The following POMT2 variants were observed in gnomAD, a reference collection of about 807,000 sequenced individuals.
The protein encoded by POMT2 is protein O-mannosyl-transferase 2.
Under a neutral mutation model 100.0 loss-of-function variants are expected in POMT2, and 75 were observed. That is an observed-to-expected ratio of 0.75 (90% CI 0.62 to 0.91). The LOEUF is 0.91. Among genes scored for constraint, POMT2 ranks in the 40% least tolerant of loss-of-function variants. The pLI is 0.00. For missense variants in POMT2, 940 were observed against 955.1 expected (o/e 0.98, Z 0.21); for synonymous variants, 378 against 374.1 (o/e 1.01, Z -0.12).
chr14:77,299,861 C>T lies in POMT2; in HGVS notation c.817-300G>A, dbSNP rs912744587. 30 of 384,384 alleles carry T rather than the reference C, an allele frequency of 7.8e-5. No individual in the cohort carries two copies. In the East Asian group the frequency reaches 1.5e-3, roughly 19 times the overall value. 23.8% of individuals were successfully genotyped at this position (384,384 alleles called of 1,614,324 possible). ...TCTGCAACACAGTTGCTCACCAGTCCGCTCCATGTTCCAGGTACACTAACC... is the reference window on the plus strand; with the variant it reads ...TCTGCAACACAGTTGCTCACCAGTCTGCTCCATGTTCCAGGTACACTAACC... On this transcript the variant is annotated intron_variant, in intron 6 of 20. Coordinates refer to ENST00000261534, the MANE Select transcript of POMT2 (RefSeq NM_013382.7).
Position 77,313,928 on chromosome 14 carries a change from G to A in POMT2, c.249-1895C>T, listed in dbSNP as rs905693495. Among the ~76,000 whole-genome samples, 15 of 152,168 alleles carry A rather than the reference G, an allele frequency of 9.9e-5. No individual in the cohort carries two copies. In the East Asian group the frequency reaches 2.3e-3, roughly 24 times the overall value. On this transcript the variant is annotated intron_variant, in intron 1 of 20. Coordinates refer to ENST00000261534, the MANE Select transcript of POMT2 (RefSeq NM_013382.7). Reference sequence around the variant, plus strand: ...TCACCATGTTGGCCAGGCTGGTCTCGAAACTCCAAACCTCAGGTGATCCAC... The same window carrying A: ...TCACCATGTTGGCCAGGCTGGTCTCAAAACTCCAAACCTCAGGTGATCCAC...
Position 77,286,752 on chromosome 14 carries a change from A to G in POMT2, c.1324T>C (p.Tyr442His), listed in dbSNP as rs758863296. The G allele has an allele frequency of 1.9e-6, 3 of 1,614,166 alleles. No individual in the cohort carries two copies. Among genetic ancestry groups the G allele is most frequent in the Non-Finnish European group, 8.5e-7 (1 of 1,180,020 alleles). The change falls in exon 12 of 21, where the codon TAT (tyrosine) becomes CAT (histidine). Residue 442 changes from tyrosine (Y) to histidine (H), a missense_variant. Transcript: ENST00000261534. ...CCCCGTTGCTTACTTACTATGCCAT[A>G]GCCGGTGACCTGATAGTGCTTCCGG... ...MTRKHYQVTG[Y>H]GINGTGDSND...
chr14:77,285,013 T>G lies in POMT2; in HGVS notation c.1513A>C (p.Thr505Pro). The G allele has an allele frequency of 6.2e-7, 1 of 1,613,360 alleles. No homozygotes were observed. The highest frequency in any genetic ancestry group is 1.1e-5 in the South Asian group (1 of 91,070). Residue 505 changes from threonine to proline, a missense_variant, in exon 14 of 21, where the codon ACC becomes CCC. Transcript: ENST00000261534. ...WGWEQLEVTC[T>P]PYLKETLNSI... Reference sequence around the variant, plus strand: ...TTGAGGGTTTCTTTCAGGTATGGGGTGCAAGTAACTTCCAACTGCTCCCAG... The same window carrying G: ...TTGAGGGTTTCTTTCAGGTATGGGGGGCAAGTAACTTCCAACTGCTCCCAG...
At chr14:77,302,069 GGGCTGAGAGTCACT>G (rs1891064322) in intron 5 of POMT2, among the ~76,000 whole-genome samples, 1 of 152,200 alleles carries the variant, frequency 6.6e-6, no homozygotes, top group Non-Finnish European at 1.5e-5. Flanking sequence ...AAGCCAGAGT[GGGCTGAGAGTCACT>G]GATCAGGTTT....
chr14:77,320,541 C>T lies in POMT2; in HGVS notation c.141G>A (p.Trp47Ter), dbSNP rs989901764. Residue 47 changes from tryptophan to a stop codon, truncating the protein, a stop_gained, in exon 1 of 21, where the codon TGG (tryptophan) becomes TGA (stop). Coordinates refer to ENST00000261534, the MANE Select transcript of POMT2 (RefSeq NM_013382.7). LOFTEE classifies it high-confidence loss of function. ...AVARSPKRPA[W>*]GSRRFEAVGW... is the part of the protein sequence containing the mutation. Reference sequence around the variant, plus strand: ...CGACCGCCTCGAAGCGCCGTGAGCCCCAAGCAGGCCGTTTGGGGCTTCGCG... The same window carrying T: ...CGACCGCCTCGAAGCGCCGTGAGCCTCAAGCAGGCCGTTTGGGGCTTCGCG... 2.6e-6 allele frequency: 4 copies of T among 1,562,942 alleles called. No homozygotes were observed. Among genetic ancestry groups the T allele is most frequent in the Non-Finnish European group, 3.4e-6 (4 of 1,160,102 alleles).
chr14:77,288,780 A>C lies in POMT2; in HGVS notation c.1235T>G (p.Ile412Ser). The change falls in exon 11 of 21, where the codon ATT becomes AGT. Residue 412 changes from isoleucine (I) to serine (S), a missense_variant. Ile to Ser is a moderately radical substitution (Grantham distance 142). Coordinates refer to ENST00000261534, the MANE Select transcript of POMT2 (RefSeq NM_013382.7). ...PVEFVRHGDIIRLEHKETSRN... is the reference protein window; with the variant it reads ...PVEFVRHGDISRLEHKETSRN... Reference sequence around the variant, plus strand: ...GACTTACTCTTTGTGTTCTAGTCGAATAATGTCTCCATGTCTTACAAACTC... The same window carrying C: ...GACTTACTCTTTGTGTTCTAGTCGACTAATGTCTCCATGTCTTACAAACTC... 1 of 1,613,936 alleles carries C rather than the reference A, an allele frequency of 6.2e-7. No homozygotes were observed. The highest frequency in any genetic ancestry group is 1.1e-5 in the South Asian group (1 of 91,078).
At chr14:77,289,525 G>A (rs1432276928) in intron 10 of POMT2, among the ~76,000 whole-genome samples, 1 of 152,192 alleles carries the variant, frequency 6.6e-6, no homozygotes, top group African/African-American at 2.4e-5. Context: ...TTCCAGGCTG[G>A]AATGTGGCCT....
chr14:77,302,995 T>C (rs1363523313), intron 4 of POMT2, 52 bp from the exon 5 acceptor site: 1 of 1,385,954 alleles, frequency 7.2e-7, no homozygotes, highest in South Asian at 1.2e-5. Context: ...AAGGGCCCCC[T>C]GAAAACCAAG....
At position 77,304,688 on chromosome 14, in the gene POMT2, T is replaced by A; in HGVS notation, c.547+4A>T. 6.3e-7 allele frequency: 1 copy of A among 1,578,688 alleles called. No individual in the cohort carries two copies. The highest frequency in any genetic ancestry group is 8.6e-7 in the Non-Finnish European group (1 of 1,162,976). ...AAAGCCATGGTATGGCTAAGACAAC[T>A]TACCAAAGGTGAGGAGGGCAGCTGT... On this transcript the variant is annotated splice_donor_region_variant and intron_variant, in intron 4 of 20. Transcript: ENST00000261534.
At chr14:77,284,179 A>AT in intron 14 of POMT2, 1 of 406,228 alleles carries the variant, frequency 2.5e-6, no homozygotes, top group Non-Finnish European at 4.7e-6. Flanking sequence ...CCTATTAGGC[A>AT]TAAGGGACAG....
intron 1 of POMT2, among the ~76,000 whole-genome samples, chr14:77,319,788 G>A (rs939961438): frequency 6.6e-6 from 1 of 152,186 alleles, no homozygotes; most frequent in Non-Finnish European, 1.5e-5. Flanking sequence ...TCTTCTGCCA[G>A]CAGTCACGAC....
intron 15 of POMT2, among the ~76,000 whole-genome samples, chr14:77,283,369 T>G (rs1247237889): frequency 6.6e-6 from 1 of 152,096 alleles, no homozygotes; most frequent in Non-Finnish European, 1.5e-5. Flanking sequence ...GGTGAAGGAG[T>G]GTAGTGGTAA....
intron 1 of POMT2, among the ~76,000 whole-genome samples, chr14:77,315,818 C>A (rs1161087924): frequency 6.6e-6 from 1 of 152,208 alleles, no homozygotes; most frequent in African/African-American, 2.4e-5. Flanking sequence ...TTGAGACCAG[C>A]CTGGCCAACA....
At chr14:77,294,567 G>A (rs1157040391) in intron 9 of POMT2, among the ~76,000 whole-genome samples, 1 of 152,064 alleles carries the variant, frequency 6.6e-6, no homozygotes, top group African/African-American at 2.4e-5. Flanking sequence ...AAAGTGATCC[G>A]CCCACCTCGG....
At chr14:77,299,589 T>G in intron 6 of POMT2, 28 bp from the exon 7 acceptor site, 1 of 1,568,638 alleles carries the variant, frequency 6.4e-7, no homozygotes, top group South Asian at 1.1e-5. Flanking sequence ...CGTGGGGTGC[T>G]AGGCATGTGA....
chr14:77,287,544 C>CTATATA (rs1353154463), intron 11 of POMT2: 1 of 101,224 alleles, frequency 9.9e-6, no homozygotes, highest in African/African-American at 3.4e-5. Flanking sequence ...CTCTCTCTCT[C>CTATATA]TATATATATA....
intron 7 of POMT2, 121 bp from the exon 8 acceptor site, chr14:77,298,892 A>C: frequency 2.1e-6 from 2 of 972,190 alleles, no homozygotes; most frequent in Admixed American, 2.0e-5. Flanking sequence ...ATCATGGGAC[A>C]GAGGTGGGTG....
intron 2 of POMT2, among the ~76,000 whole-genome samples, chr14:77,308,178 T>C (rs946903912): frequency 6.6e-6 from 1 of 151,270 alleles, no homozygotes; most frequent in Non-Finnish European, 1.5e-5. Flanking sequence ...ATTTCTTAAC[T>C]AAACAACTCT....
chr14:77,303,238 AT>A (rs1414532588), intron 4 of POMT2, among the ~76,000 whole-genome samples: 2 of 152,038 alleles, frequency 1.3e-5, no homozygotes, highest in African/African-American at 4.8e-5. Context: ...TGTCATCCTC[AT>A]TTCCACCATC....
Sources: allele counts gnomAD v4.1 joint callset (sites outside exome capture counted in the v4.1 genomes callset), GRCh38; gene constraint gnomAD v4.1.1; transcripts MANE v1.5; gene names NCBI Gene and HGNC (gene_info 2026-07-23, HGNC 2026-07-21).